The following PLEKHG1 variants were observed in gnomAD, a reference collection of about 807,000 sequenced individuals.
PLEKHG1 encodes pleckstrin homology and RhoGEF domain containing G1.
A neutral mutation model predicts 100.8 loss-of-function variants in PLEKHG1; 44 were observed. The observed-to-expected ratio is 0.44, with a 90% confidence interval of 0.34 to 0.56. PLEKHG1 has a LOEUF of 0.56. Among genes scored for constraint, PLEKHG1 ranks in the 20% least tolerant of loss-of-function variants. The pLI, the probability that PLEKHG1 is intolerant of heterozygous loss-of-function variation, is 0.01. For missense variants in PLEKHG1, 1,545 were observed against 1,720.9 expected (o/e 0.90, Z 1.81); for synonymous variants, 640 against 662.5 (o/e 0.97, Z 0.52).
At chr6:150,828,278 C>G (rs201947771) in intron 14 of PLEKHG1, 15 of 1,608,372 alleles carry the variant, frequency 9.3e-6, no homozygotes, top group Non-Finnish European at 1.2e-5. Context: ...GGAGCAATTA[C>G]GACAGACCTG....
chr6:150,642,329 A>G (rs570075234), intron 2 of PLEKHG1, among the ~76,000 whole-genome samples: 3 of 152,348 alleles, frequency 2.0e-5, no homozygotes, highest in African/African-American at 7.2e-5. Flanking sequence ...GGTGGTGCTT[A>G]TAAAATTTTT....
chr6:150,818,884 G>A (rs546155379), intron 11 of PLEKHG1, among the ~76,000 whole-genome samples: 135 of 152,186 alleles, frequency 8.9e-4, no homozygotes, highest in Non-Finnish European at 1.6e-3. Context: ...ACCTTACTTC[G>A]AGGAATCAAG....
chr6:150,648,547 A>C (rs1263913355), intron 2 of PLEKHG1, among the ~76,000 whole-genome samples: 1 of 152,108 alleles, frequency 6.6e-6, no homozygotes, highest in African/African-American at 2.4e-5. Context: ...TATAGAATAA[A>C]CCTTATTTAT....
Position 150,683,053 on chromosome 6 carries a change from C to G in PLEKHG1, c.-99+32267C>G, listed in dbSNP as rs1478243816. On this transcript the variant is annotated intron_variant, in intron 3 of 3. Transcript: ENST00000367326. The surrounding 1 kb of genome is among the most constrained non-coding windows in gnomAD (Gnocchi z 4.0). ...TCGTGCGCATCTTAACAGTTGACAA[C>G]TACATCATCACAGCTTGACACACGT... 1.3e-5 allele frequency among the ~76,000 whole-genome samples: 2 copies of G among 152,226 alleles called. No homozygotes were observed. Among genetic ancestry groups the G allele is most frequent in the Non-Finnish European group, 2.9e-5 (2 of 68,044 alleles).
intron 6 of PLEKHG1, among the ~76,000 whole-genome samples, chr6:150,801,383 A>C (rs1786688135): frequency 6.6e-6 from 1 of 151,904 alleles, no homozygotes; most frequent in Non-Finnish European, 1.5e-5. Context: ...AAATGCAAGA[A>C]GGCTTTAGAA....
Position 150,800,756 on chromosome 6 carries a change from A to ATC in PLEKHG1, c.668_669insCT (p.Leu224TyrfsTer13). ...GCTAACAGAGTGTATGAGGAACAAGATACTGGCCAAATTCTTCAGGGAGCG... is the reference window on the plus strand; with the variant it reads ...GCTAACAGAGTGTATGAGGAACAAGATCTACTGGCCAAATTCTTCAGGGAGCG... On this transcript the variant is annotated frameshift_variant, in exon 6 of 16. Coordinates refer to ENST00000358517, the Ensembl canonical transcript of PLEKHG1. LOFTEE classifies it high-confidence loss of function. 2 of 1,614,014 alleles carry ATC rather than the reference A, an allele frequency of 1.2e-6. No homozygotes were observed. The highest frequency in any genetic ancestry group is 1.7e-6 in the Non-Finnish European group (2 of 1,179,862).
chr6:150,644,529 A>G (rs540065619), intron 2 of PLEKHG1, among the ~76,000 whole-genome samples: 11 of 151,786 alleles, frequency 7.2e-5, no homozygotes, highest in Non-Finnish European at 1.2e-4. Context: ...TCAGGGCTTC[A>G]CCACATTGGT....
intron 4 of PLEKHG1, among the ~76,000 whole-genome samples, chr6:150,789,873 G>A (rs1254027400): frequency 1.3e-5 from 2 of 152,142 alleles, no homozygotes; most frequent in African/African-American, 4.8e-5. Context: ...GAACCAATAA[G>A]TGAACTCAAG....
chr6:150,699,860 T>G, intron 3 of PLEKHG1, among the ~76,000 whole-genome samples: 1 of 152,314 alleles, frequency 6.6e-6, no homozygotes, highest in East Asian at 1.9e-4. Context: ...AACTTTGAAA[T>G]TGTCTGATCG....
chr6:150,751,764 AG>A (rs1214474186), intron 2 of PLEKHG1, among the ~76,000 whole-genome samples: 1 of 152,232 alleles, frequency 6.6e-6, no homozygotes, highest in Non-Finnish European at 1.5e-5. Flanking sequence ...GCCATTTGGA[AG>A]GGTGAGGACT....
intron 1 of PLEKHG1, chr6:150,626,013 A>T (rs1777492082): frequency 6.6e-6 from 1 of 152,114 alleles, no homozygotes; most frequent in South Asian, 2.1e-4. Context: ...ATGATGAAAT[A>T]TGTTGGGATG....
chr6:150,613,338 A>G (rs946663456), intron 1 of PLEKHG1, among the ~76,000 whole-genome samples: 1 of 152,244 alleles, frequency 6.6e-6, no homozygotes, highest in Non-Finnish European at 1.5e-5. Context: ...ATTTTTATGT[A>G]TAGCATGTAT....
chr6:150,732,839 A>C (rs1160410974), intron 1 of PLEKHG1, among the ~76,000 whole-genome samples: 3 of 152,152 alleles, frequency 2.0e-5, no homozygotes. Context: ...TGCCCACCCC[A>C]GCCTCCCAAA....
chr6:150,829,398 G>A (rs2128686299), intron 14 of PLEKHG1, among the ~76,000 whole-genome samples: 1 of 152,304 alleles, frequency 6.6e-6, no homozygotes, highest in Non-Finnish European at 1.5e-5. Context: ...CGGATCTCTT[G>A]AGGCCAGGAG....
intron 5 of PLEKHG1, among the ~76,000 whole-genome samples, chr6:150,796,693 T>C (rs1158199185): frequency 1.3e-5 from 2 of 152,170 alleles, no homozygotes; most frequent in African/African-American, 4.8e-5. Flanking sequence ...TCCCAGTGCC[T>C]GGCCCCTCCT....
Position 150,831,244 on chromosome 6 carries a change from C to T in PLEKHG1, c.2133C>T (p.Gly711=). Residue 711 remains glycine, a synonymous_variant, in exon 15 of 16, where the codon GGC becomes GGT. Transcript: ENST00000358517. This position sits in a 1 kb window ranked among gnomAD's most constrained non-coding sequence, Gnocchi z 4.1. ...AGAGGCAAGCTGGCCACAGTAAGGG[C>T]TCTCTTTACGCACAAACAGATGGCA... 6.8e-6 allele frequency: 11 copies of T among 1,614,128 alleles called. No individual in the cohort carries two copies. Among genetic ancestry groups the T allele is most frequent in the Non-Finnish European group, 9.3e-6 (11 of 1,179,998 alleles).
intron 3 of PLEKHG1, among the ~76,000 whole-genome samples, chr6:150,770,734 G>C (rs1784678517): frequency 6.6e-6 from 1 of 152,186 alleles, no homozygotes; most frequent in Non-Finnish European, 1.5e-5. Context: ...AGCCCTCATT[G>C]TGCAATCGCT....
At chr6:150,719,982 T>TA (rs1781600731), upstream of PLEKHG1, among the ~76,000 whole-genome samples, 1 of 152,252 alleles carries the variant, frequency 6.6e-6, no homozygotes, top group Admixed American at 6.5e-5. Flanking sequence ...GTTGTTAGTT[T>TA]AAAATCACTT....
chr6:150,818,415 T>C (rs1776109091), intron 11 of PLEKHG1, among the ~76,000 whole-genome samples, 199 bp downstream of exon 12: 1 of 152,228 alleles, frequency 6.6e-6, no homozygotes, highest in Admixed American at 6.5e-5. Flanking sequence ...CAGGTTTATC[T>C]GAGTCCCTTG....
Sources: allele counts gnomAD v4.1 joint callset (sites outside exome capture counted in the v4.1 genomes callset), GRCh38; gene constraint gnomAD v4.1.1; non-coding constraint Gnocchi (gnomAD v3.1); transcripts MANE v1.5; gene names NCBI Gene and HGNC (gene_info 2026-07-23, HGNC 2026-07-21).